Variants in MTA3 observed in about 807,000 individuals in gnomAD.
MTA3 encodes the protein metastasis-associated protein MTA3.
A neutral mutation model predicts 83.5 loss-of-function variants in MTA3; 34 were observed. The ratio of observed to expected loss-of-function variants is 0.41; its 90% CI spans 0.31 to 0.54. The LOEUF (loss-of-function observed/expected upper bound fraction) is 0.54. Ranked by LOEUF, MTA3 falls within the 20% of genes least tolerant of loss-of-function variation. The probability of loss-of-function intolerance (pLI) is 0.33; values close to 1 mark genes in which losing one functional copy is unlikely to be tolerated. For missense variants in MTA3, 761 were observed against 726.4 expected, an observed-to-expected ratio of 1.05 and a Z score of -0.55; for synonymous variants, 303 against 252.7, an observed-to-expected ratio of 1.20 and a Z score of -1.89.
intron 4 of MTA3, among the ~76,000 whole-genome samples, chr2:42,634,416 A>G (rs1686988581): frequency 6.6e-6 from 1 of 152,184 alleles, no homozygotes; most frequent in South Asian, 2.1e-4. Flanking sequence ...ACTTACAATC[A>G]TGGTGGAAGG....
rs573814961 is a variant in MTA3, at chr2:42,586,477, A to AACACACACACACAC, written c.190+7301_190+7314dup. ...GAAACCGGTACAAAGAAGGAAGGAA[A>AACACACACACACAC]ACACACACACACACACACACACACA... On this transcript the variant is annotated intron_variant, in intron 3 of 16. Transcript: ENST00000405094. Among the ~76,000 whole-genome samples, 54 of 72,714 alleles carry AACACACACACACAC rather than the reference A, an allele frequency of 7.4e-4. 1 individual carries two copies. Among genetic ancestry groups the AACACACACACACAC allele is most frequent in the African/African-American group, 3.0e-3 (50 of 16,792 alleles). 47.7% of individuals were successfully genotyped at this position (72,714 alleles called of 152,430 possible). A position where few individuals can be genotyped will look rare whatever the true frequency, so the allele number is the denominator to read the frequency against.
At chr2:42,545,353 G>A (rs1439567987) in intron 2 of MTA3, among the ~76,000 whole-genome samples, 1 of 152,032 alleles carries the variant, frequency 6.6e-6, no homozygotes, top group Admixed American at 6.6e-5. Context: ...ATTCCAGCCT[G>A]AGCGACAGAG....
intron 6 of MTA3, among the ~76,000 whole-genome samples, chr2:42,646,836 G>A (rs1167536334): frequency 6.6e-6 from 1 of 152,122 alleles, no homozygotes; most frequent in African/African-American, 2.4e-5. Flanking sequence ...CAGTGGCAGG[G>A]TTTGAGAGGG....
chr2:42,666,335 T>C (rs908152712), intron 8 of MTA3, among the ~76,000 whole-genome samples: 16 of 152,218 alleles, frequency 1.1e-4, no homozygotes, highest in African/African-American at 3.9e-4. Context: ...TCCTACCTTA[T>C]ATCCTTTTAG....
At chr2:42,539,972 C>A (rs546568781) in intron 2 of MTA3, among the ~76,000 whole-genome samples, 1 of 152,236 alleles carries the variant, frequency 6.6e-6, no homozygotes, top group Admixed American at 6.6e-5. Context: ...AGAATGGCTT[C>A]TTCTGCTCAG....
intron 16 of MTA3, among the ~76,000 whole-genome samples, chr2:42,748,199 G>A (rs981801227): frequency 1.5e-5 from 2 of 135,090 alleles, no homozygotes; most frequent in Non-Finnish European, 3.1e-5. Context: ...CAGCTAATGT[G>A]TTTGTGTGTG....
At chr2:42,563,776 A>ATTCC (rs374517534), upstream of MTA3, among the ~76,000 whole-genome samples, 18,212 of 114,314 alleles carry the variant, frequency 0.16, 1,723 homozygotes, top group Middle Eastern at 0.21. Flanking sequence ...TGGACCAAAC[A>ATTCC]TTCCTTCCTT....
chr2:42,723,769 ACT>A (rs998979560), intron 16 of MTA3, among the ~76,000 whole-genome samples: 3 of 151,986 alleles, frequency 2.0e-5, no homozygotes, highest in African/African-American at 7.3e-5. Context: ...TATGAATAAA[ACT>A]CTCTCCAGGC....
At chr2:42,729,285 T>G (rs1478150472) in intron 16 of MTA3, among the ~76,000 whole-genome samples, 5 of 151,568 alleles carry the variant, frequency 3.3e-5, no homozygotes, top group Non-Finnish European at 7.4e-5. Flanking sequence ...TTTTTTTTAG[T>G]AGAGACGGGG....
chr2:42,692,365 TTCTG>T (rs34856187), intron 9 of MTA3, among the ~76,000 whole-genome samples: 94,870 of 151,022 alleles, frequency 0.63, 30,418 homozygotes, highest in South Asian at 0.79. Context: ...TCTGAATTCC[TTCTG>T]TCTGTCATCT....
chr2:42,541,933 A>G (rs999005117), intron 2 of MTA3, among the ~76,000 whole-genome samples: 3 of 152,144 alleles, frequency 2.0e-5, no homozygotes, highest in African/African-American at 7.2e-5. Context: ...TCAGGCCAGG[A>G]ATACTGAACC....
chr2:42,576,745 A>G (rs1679072484), intron 2 of MTA3, among the ~76,000 whole-genome samples: 1 of 149,764 alleles, frequency 6.7e-6, no homozygotes, highest in Non-Finnish European at 1.5e-5. Flanking sequence ...TAAAAGTGCA[A>G]AATTAGCCGG....
intron 12 of MTA3, 121 bp from the exon 13 acceptor site, chr2:42,707,782 C>A: frequency 9.1e-7 from 1 of 1,104,124 alleles, no homozygotes. Context: ...GGCTTGTAAG[C>A]TGGGAACAAT....
chr2:42,654,764 G>T (rs950505767), intron 6 of MTA3, among the ~76,000 whole-genome samples: 1 of 152,106 alleles, frequency 6.6e-6, no homozygotes, highest in Admixed American at 6.5e-5. Flanking sequence ...ACAGGCATAT[G>T]CCACAACACA....
intron 4 of MTA3, among the ~76,000 whole-genome samples, chr2:42,628,896 C>T (rs560537998): frequency 6.6e-6 from 1 of 150,890 alleles, no homozygotes; most frequent in Non-Finnish European, 1.5e-5. Context: ...TATGTGTAAG[C>T]AGAATTTTCT....
chr2:42,754,928 G>T lies in MTA3; in HGVS notation c.*1529G>T. The T allele has an allele frequency of 1.0e-6, 1 of 985,578 alleles. No individual in the cohort carries two copies. The highest frequency in any genetic ancestry group is 1.2e-6 in the Non-Finnish European group (1 of 830,062). 61.1% of individuals were successfully genotyped at this position (985,578 alleles called of 1,614,324 possible). A position where few individuals can be genotyped will look rare whatever the true frequency, so the allele number is the denominator to read the frequency against. ...TCAGCTTCTTTTCTGAGGAGGAGTTGGTTCTCATCTTAGGCTTCTGCAAGG... is the reference window on the plus strand; with the variant it reads ...TCAGCTTCTTTTCTGAGGAGGAGTTTGTTCTCATCTTAGGCTTCTGCAAGG... On this transcript the variant is annotated 3_prime_UTR_variant, in exon 17 of 17. Transcript: ENST00000405094.
At chr2:42,667,611 TAGAGAGAGAA>T (rs1292229078) in intron 8 of MTA3, among the ~76,000 whole-genome samples, 10 of 120,598 alleles carry the variant, frequency 8.3e-5, no homozygotes, top group East Asian at 2.3e-4. Context: ...TGTGTGTGTA[TAGAGAGAGAA>T]AGAGAGAGAG....
chr2:42,685,116 G>GATAACTCTC (rs1448199029), intron 9 of MTA3, among the ~76,000 whole-genome samples: 3 of 152,166 alleles, frequency 2.0e-5, no homozygotes, highest in African/African-American at 7.2e-5. Context: ...AGGACTAGAA[G>GATAACTCTC]ATAACTCTGT....
intron 2 of MTA3, among the ~76,000 whole-genome samples, chr2:42,549,041 G>C (rs1417748505): frequency 2.2e-5 from 3 of 136,554 alleles, no homozygotes. Flanking sequence ...GGGCGTGGTC[G>C]TGCATGCCTG....
Sources: allele counts gnomAD v4.1 joint callset (sites outside exome capture counted in the v4.1 genomes callset), GRCh38; gene constraint gnomAD v4.1.1; transcripts MANE v1.5; gene names NCBI Gene and HGNC (gene_info 2026-07-23, HGNC 2026-07-21).